Variants in ABCA5 observed in about 807,000 individuals in gnomAD.
ABCA5 encodes the protein cholesterol transporter ABCA5.
Under a neutral mutation model 206.0 loss-of-function variants are expected in ABCA5, and 163 were observed. The ratio of observed to expected loss-of-function variants is 0.79; its 90% CI spans 0.70 to 0.90. ABCA5 has a LOEUF of 0.90. Among genes scored for constraint, ABCA5 ranks in the 40% least tolerant of loss-of-function variants. The pLI is 0.00. For synonymous variants in ABCA5, 609 were observed against 613.8 expected (o/e 0.99, Z 0.11); for missense variants, 1,859 against 1,912.9 (o/e 0.97, Z 0.53).
At chr17:69,292,287 T>C (rs539184568) in intron 11 of ABCA5, among the ~76,000 whole-genome samples, 4 of 152,322 alleles carry the variant, frequency 2.6e-5, no homozygotes, top group East Asian at 3.9e-4. Flanking sequence ...AAATCTTCTT[T>C]AATTTCTCTC....
chr17:69,286,987 TG>T (rs1428724246), intron 15 of ABCA5, among the ~76,000 whole-genome samples: 1 of 152,172 alleles, frequency 6.6e-6, no homozygotes, highest in East Asian at 1.9e-4. Flanking sequence ...GGCTGTTAGT[TG>T]AGAACTTGGA....
chr17:69,289,102 A>G, intron 14 of ABCA5, 75 bp downstream of exon 14: 3 of 1,431,802 alleles, frequency 2.1e-6, no homozygotes, highest in South Asian at 1.4e-5. Flanking sequence ...ATAATGTATT[A>G]TATCTTTCTA....
At chr17:69,289,794 C>A in intron 13 of ABCA5, 68 bp downstream of exon 13, 2 of 1,249,418 alleles carry the variant, frequency 1.6e-6, no homozygotes, top group Non-Finnish European at 1.1e-6. Context: ...ATTTTTATTG[C>A]ACAAGTCATT....
At chr17:69,295,872 G>GA (rs1409947621) in intron 10 of ABCA5, among the ~76,000 whole-genome samples, 5 of 151,934 alleles carry the variant, frequency 3.3e-5, no homozygotes, top group Non-Finnish European at 7.4e-5. Context: ...TATATTTACT[G>GA]AAAAAAATCC....
chr17:69,318,271 T>C (rs1299183175), intron 1 of ABCA5, among the ~76,000 whole-genome samples: 2 of 152,068 alleles, frequency 1.3e-5, no homozygotes, highest in Non-Finnish European at 2.9e-5. Context: ...ATTTTTGTAT[T>C]TTTAGTAGAG....
At chr17:69,263,482 CAG>C (rs1463871502) in intron 24 of ABCA5, among the ~76,000 whole-genome samples, 5 of 152,010 alleles carry the variant, frequency 3.3e-5, no homozygotes, top group African/African-American at 9.7e-5. Flanking sequence ...TTATTGAACA[CAG>C]AGTCCTTTCC....
chr17:69,322,337 C>T (rs1384804766), intron 1 of ABCA5, among the ~76,000 whole-genome samples: 1 of 122,600 alleles, frequency 8.2e-6, no homozygotes, highest in Non-Finnish European at 1.6e-5. Flanking sequence ...GCCAATCCAG[C>T]CTGGCAACAG....
At position 69,245,655 on chromosome 17, in the gene ABCA5, A is replaced by G. The variant is rs2074942414; in HGVS notation, c.*1882T>C. 6.6e-6 allele frequency: 1 copy of G among 152,028 alleles called. No homozygotes were observed. Among genetic ancestry groups the G allele is most frequent in the African/African-American group, 2.4e-5 (1 of 41,460 alleles). The allele number at this position is 152,028 out of a possible 1,614,324, so 9.4% of individuals were successfully genotyped here. On this transcript the variant is annotated 3_prime_UTR_variant, in exon 39 of 39. Coordinates refer to ENST00000392676, the MANE Select transcript of ABCA5 (RefSeq NM_172232.4). ...TGAATGTCTTTTAAAATTGTTTACAAGAGCATGTATTCATATACATTAAAA... is the reference window on the plus strand; with the variant it reads ...TGAATGTCTTTTAAAATTGTTTACAGGAGCATGTATTCATATACATTAAAA...
At chr17:69,269,299 A>G (rs1051017406) in intron 22 of ABCA5, among the ~76,000 whole-genome samples, 3 of 152,200 alleles carry the variant, frequency 2.0e-5, no homozygotes, top group Non-Finnish European at 4.4e-5. Flanking sequence ...GAGGGGTAAC[A>G]TGAGTTTTCA....
rs2075594344 is a variant in ABCA5 at position 69,297,285 on chromosome 17, C to T, written c.1342G>A (p.Glu448Lys). 6.2e-7 allele frequency: 1 copy of T among 1,612,906 alleles called. No individual in the cohort carries two copies. The highest frequency in any genetic ancestry group is 8.5e-7 in the Non-Finnish European group (1 of 1,179,498). The change falls in exon 10 of 39, where the codon GAG (glutamate) becomes AAG (lysine). Residue 448 changes from glutamate to lysine, a missense_variant. Transcript: ENST00000392676. The part of the protein sequence containing the change: ...SYWSKSKRNY[E>K]ELSEGNVNGN... Reference sequence around the variant, plus strand: ...TTAACATTGCCCTCTGATAACTCCTCATAATTTCTTTTGCTCTTTGACCAA... The same window carrying T: ...TTAACATTGCCCTCTGATAACTCCTTATAATTTCTTTTGCTCTTTGACCAA...
At chr17:69,323,255 T>G (rs2075878144) in intron 1 of ABCA5, among the ~76,000 whole-genome samples, 3 of 152,216 alleles carry the variant, frequency 2.0e-5, no homozygotes, top group Admixed American at 2.0e-4. Context: ...CATTACATCC[T>G]TAATGTGAAA....
intron 1 of ABCA5, chr17:69,318,747 C>G: frequency 1.6e-6 from 1 of 642,624 alleles, no homozygotes; most frequent in Non-Finnish European, 2.9e-6. Flanking sequence ...GCAAAGCTTA[C>G]ACTCCCGAGT....
rs375630767 is a variant in ABCA5, at chr17:69,314,315, T to G, written c.101A>C (p.Gln34Pro). ...ATAAGAAAGAGTTATTTAACTTACCTGAACACTACTCTTTTTGGTTCTGCA... is the reference window on the plus strand; with the variant it reads ...ATAAGAAAGAGTTATTTAACTTACCGGAACACTACTCTTTTTGGTTCTGCA... Reference protein sequence around the residue: ...IKCRTKKSSVQEILFPLFFLF... With the variant: ...IKCRTKKSSVPEILFPLFFLF... Residue 34 changes from glutamine (Q) to proline (P), a missense_variant and splice_region_variant, in exon 2 of 39, where the codon CAG becomes CCG. Gln to Pro is a moderately conservative substitution (Grantham distance 76). Transcript: ENST00000392676. The G allele has an allele frequency of 6.2e-7, 1 of 1,605,706 alleles. No homozygotes were observed. The highest frequency in any genetic ancestry group is 8.5e-7 in the Non-Finnish European group (1 of 1,173,054).
At chr17:69,316,910 A>C (rs1038996564) in intron 1 of ABCA5, 2 of 152,246 alleles carry the variant, frequency 1.3e-5, no homozygotes, top group African/African-American at 4.8e-5. Flanking sequence ...CAGTTTTACT[A>C]TATGACCTCA....
rs1390358606 is a variant in ABCA5 at position 69,246,786 on chromosome 17, TTCTAGCCACAGAG to T, written c.*738_*750del. 1.3e-5 allele frequency: 2 copies of T among 151,970 alleles called. No individual in the cohort carries two copies. The highest frequency in any genetic ancestry group is 1.5e-5 in the Non-Finnish European group (1 of 67,826). 9.4% of individuals were successfully genotyped at this position (151,970 alleles called of 1,614,324 possible). A position where few individuals can be genotyped will look rare whatever the true frequency, so the allele number is the denominator to read the frequency against. On this transcript the variant is annotated 3_prime_UTR_variant, in exon 39 of 39. Coordinates refer to ENST00000392676, the MANE Select transcript of ABCA5 (RefSeq NM_172232.4). ...CTACCACCTCCATAGATAACTGTCA[TTCTAGCCACAGAG>T]TCAAAGAATCAGACTATTACGTAAG...
chr17:69,274,828 T>C (rs2075312561), intron 19 of ABCA5, among the ~76,000 whole-genome samples: 1 of 143,766 alleles, frequency 7.0e-6, no homozygotes, highest in South Asian at 2.2e-4. Flanking sequence ...TGTCTCTATC[T>C]TAACCATTTA....
intron 28 of ABCA5, 50 bp downstream of exon 28, chr17:69,259,656 G>T: frequency 7.9e-7 from 1 of 1,272,242 alleles, no homozygotes; most frequent in Non-Finnish European, 1.1e-6. Context: ...TGGTTACACA[G>T]TTCTGTAAAT....
chr17:69,318,733 A>AT, intron 1 of ABCA5: 1 of 626,420 alleles, frequency 1.6e-6, no homozygotes, highest in Non-Finnish European at 3.0e-6. Context: ...AGTAGACACC[A>AT]TGAGCAAAGC....
chr17:69,319,559 T>C (rs1167007006), intron 1 of ABCA5, among the ~76,000 whole-genome samples: 3 of 152,136 alleles, frequency 2.0e-5, no homozygotes, highest in African/African-American at 7.2e-5. Flanking sequence ...GCTGTGTCAG[T>C]TAAAATTTCT....
Sources: allele counts gnomAD v4.1 joint callset (sites outside exome capture counted in the v4.1 genomes callset), GRCh38; gene constraint gnomAD v4.1.1; transcripts MANE v1.5; gene names NCBI Gene and HGNC (gene_info 2026-07-23, HGNC 2026-07-21).